The following CACNG5 variants were observed in gnomAD, a reference collection of about 807,000 sequenced individuals.
CACNG5 encodes voltage-dependent calcium channel gamma-5 subunit.
Under a neutral mutation model 24.8 loss-of-function variants are expected in CACNG5, and 18 were observed. The ratio of observed to expected loss-of-function variants is 0.73; its 90% CI spans 0.50 to 1.08. CACNG5 has a LOEUF of 1.08. Among genes scored for constraint, CACNG5 ranks in the 50% least tolerant of loss-of-function variants. The probability of loss-of-function intolerance (pLI) is 0.00; values close to 1 mark genes in which losing one functional copy is unlikely to be tolerated. For missense variants in CACNG5, 349 were observed against 367.9 expected (o/e 0.95, Z 0.42); for synonymous variants, 157 against 149.1 (o/e 1.05, Z -0.39).
Position 66,851,703 on chromosome 17 carries a change from AAGAG to A in CACNG5, c.-104+16459_-104+16462del, listed in dbSNP as rs1411839016. Among the ~76,000 whole-genome samples the A allele has an allele frequency of 2.0e-5, 3 of 152,220 alleles. 1 individual carries two copies. The highest frequency in any genetic ancestry group is 2.0e-4 in the Admixed American group (3 of 15,280). On this transcript the variant is annotated intron_variant, in intron 1 of 5. Coordinates refer to ENST00000533854, the MANE Select transcript of CACNG5 (RefSeq NM_145811.3). ...ACTGAGGAAATACCGGAAAGGGAAA[AAGAG>A]AGAGAAAACACAAACAATATTGGGA...
At chr17:66,865,232 C>T (rs1400718584) in intron 1 of CACNG5, among the ~76,000 whole-genome samples, 1 of 150,744 alleles carries the variant, frequency 6.6e-6, no homozygotes, top group Non-Finnish European at 1.5e-5. Context: ...TATTTTTGTG[C>T]ACAGCCATTT....
intron 1 of CACNG5, among the ~76,000 whole-genome samples, chr17:66,860,129 C>A (rs1976833470): frequency 6.6e-6 from 1 of 152,248 alleles, no homozygotes; most frequent in Middle Eastern, 3.4e-3. Flanking sequence ...TCCAAGCTTA[C>A]CTATGCAACC....
rs1333967319 is a variant in CACNG5, at chr17:66,887,634, A to AGTT, written c.*2394_*2395insGTT. On this transcript the variant is annotated 3_prime_UTR_variant, in exon 6 of 6. Transcript: ENST00000533854. ...AATTGCACTTTTCTCTCTCTAGAAC[A>AGTT]CTCTTTCTCTGTCACTGTGCCAGGC... Among the ~76,000 whole-genome samples, 1 of 151,836 alleles carries AGTT rather than the reference A, an allele frequency of 6.6e-6. No homozygotes were observed. Among genetic ancestry groups the AGTT allele is most frequent in the Non-Finnish European group, 1.5e-5 (1 of 67,968 alleles).
At chr17:66,848,393 A>G (rs6504464) in intron 1 of CACNG5, among the ~76,000 whole-genome samples, 116,751 of 152,120 alleles carry the variant, frequency 0.77, 45,142 homozygotes, top group South Asian at 0.87. Context: ...CACCCCATCA[A>G]ATGGGGGCTG....
At chr17:66,884,701 G>A (rs754175463) in intron 5 of CACNG5, 40 bp downstream of exon 5, 1 of 1,614,174 alleles carries the variant, frequency 6.2e-7, no homozygotes, top group Non-Finnish European at 8.5e-7. Context: ...GCTGGGCCTG[G>A]GCACTGCCCC....
chr17:66,840,307 G>A (rs2144495911), intron 1 of CACNG5, among the ~76,000 whole-genome samples: 1 of 152,330 alleles, frequency 6.6e-6, no homozygotes, highest in African/African-American at 2.4e-5. Context: ...CAATATCCCA[G>A]GAGGTCAGGG....
rs1209173833 is a variant in CACNG5 at position 66,885,235 on chromosome 17, T to TG, written c.824dup (p.Cys275TrpfsTer24). On this transcript the variant is annotated frameshift_variant, in exon 6 of 6. Transcript: ENST00000533854. LOFTEE classifies it high-confidence loss of function. The stretch of plus-strand genomic sequence containing the variant: ...CTATGATCAGATGTCCTCTTCACCC[T>TG]GCTGAGCCTCGGCCGCCCCCATCCC... The TG allele has an allele frequency of 1.3e-6, 2 of 1,580,808 alleles. No individual in the cohort carries two copies. Among genetic ancestry groups the TG allele is most frequent in the Admixed American group, 3.4e-5 (2 of 58,678 alleles).
At chr17:66,862,932 GTGTGTGTC>G (rs1976885283) in intron 1 of CACNG5, among the ~76,000 whole-genome samples, 1 of 139,530 alleles carries the variant, frequency 7.2e-6, no homozygotes, top group South Asian at 2.3e-4. Context: ...GTGTGTGTGT[GTGTGTGTC>G]TCAGTCTCAG....
At chr17:66,840,590 G>T (rs539441987) in intron 1 of CACNG5, among the ~76,000 whole-genome samples, 1 of 152,266 alleles carries the variant, frequency 6.6e-6, no homozygotes, top group Non-Finnish European at 1.5e-5. Context: ...TCACATTATT[G>T]CAGAGGCACA....
chr17:66,891,810 C>T lies in CACNG5; in HGVS notation c.*6570C>T, dbSNP rs1381015909. The stretch of plus-strand genomic sequence containing the variant: ...CTTTGAGAAACACGATCTGCTGTAC[C>T]ATGACTGGCTTTGACTAGTAAGTTA... On this transcript the variant is annotated 3_prime_UTR_variant, in exon 6 of 6. Transcript: ENST00000533854. Among the ~76,000 whole-genome samples the T allele has an allele frequency of 6.6e-6, 1 of 152,194 alleles. No individual in the cohort carries two copies. Among genetic ancestry groups the T allele is most frequent in the Admixed American group, 6.5e-5 (1 of 15,284 alleles).
chr17:66,872,037 T>C (rs1053487494), intron 1 of CACNG5, among the ~76,000 whole-genome samples: 4 of 152,208 alleles, frequency 2.6e-5, no homozygotes, highest in Admixed American at 2.0e-4. Flanking sequence ...TTAATTTAGT[T>C]TTCTTCTCTG....
At chr17:66,868,750 A>G (rs1976963405) in intron 1 of CACNG5, among the ~76,000 whole-genome samples, 2 of 152,184 alleles carry the variant, frequency 1.3e-5, no homozygotes, top group Non-Finnish European at 2.9e-5. Flanking sequence ...GTTTGCTAAC[A>G]TCATATTTAT....
intron 5 of CACNG5, 85 bp from the exon 6 acceptor site, chr17:66,884,898 G>C: frequency 6.2e-7 from 1 of 1,613,606 alleles, no homozygotes; most frequent in South Asian, 1.1e-5. Flanking sequence ...CACCCCACTC[G>C]AGCTGTGTCC....
At chr17:66,884,873 C>G in intron 5 of CACNG5, 110 bp from the exon 6 acceptor site, 1 of 1,613,472 alleles carries the variant, frequency 6.2e-7, no homozygotes, top group African/African-American at 1.3e-5. Context: ...TGCTCCTGTC[C>G]CCACGTCCAC....
chr17:66,893,862 G>A lies in CACNG5; in HGVS notation c.*8622G>A, dbSNP rs1174281284. ...TGTGTGGGGTGCAAAGAAAAAAAAAGTGAAGTGAGAATAAATTTTACTTAG... is the reference window on the plus strand; with the variant it reads ...TGTGTGGGGTGCAAAGAAAAAAAAAATGAAGTGAGAATAAATTTTACTTAG... On this transcript the variant is annotated 3_prime_UTR_variant, in exon 6 of 6. Transcript: ENST00000533854. Among the ~76,000 whole-genome samples, 2 of 152,158 alleles carry A rather than the reference G, an allele frequency of 1.3e-5. No individual in the cohort carries two copies. Among genetic ancestry groups the A allele is most frequent in the Non-Finnish European group, 2.9e-5 (2 of 68,024 alleles).
At chr17:66,843,478 G>A (rs186263140) in intron 1 of CACNG5, among the ~76,000 whole-genome samples, 42 of 152,284 alleles carry the variant, frequency 2.8e-4, no homozygotes, top group East Asian at 2.3e-3. Flanking sequence ...ACCTATCTCC[G>A]TAATCCCAGA....
chr17:66,846,064 T>TGGCCCAATCTGTGCCAAGCACTTCAC, intron 1 of CACNG5, among the ~76,000 whole-genome samples: 1 of 152,238 alleles, frequency 6.6e-6, no homozygotes, highest in Non-Finnish European at 1.5e-5. Context: ...CGTTACTTCA[T>TGGCCCAATCTGTGCCAAGCACTTCAC]GGCCCACTCT....
rs1347490723 is a variant in CACNG5 at position 66,882,964 on chromosome 17, CATCCATCCATCA to C, written c.425-1540_425-1529del. Reference sequence around the variant, plus strand: ...CCATCCATCCATCCATCCATCCATCCATCCATCCATCAATCCATCCATCCACACACCTACCCA... The same window carrying C: ...CCATCCATCCATCCATCCATCCATCCATCCATCCATCCACACACCTACCCA... On this transcript the variant is annotated intron_variant, in intron 4 of 5. Transcript: ENST00000533854. Among the ~76,000 whole-genome samples the C allele has an allele frequency of 1.5e-3, 221 of 146,880 alleles. 3 individuals carry two copies. Among genetic ancestry groups the C allele is most frequent in the Admixed American group, 2.3e-3 (34 of 15,076 alleles).
At chr17:66,854,839 A>G (rs969745508) in intron 1 of CACNG5, among the ~76,000 whole-genome samples, 1 of 152,194 alleles carries the variant, frequency 6.6e-6, no homozygotes, top group Non-Finnish European at 1.5e-5. Flanking sequence ...CAATAGAAAA[A>G]AAAATGGGAA....
Sources: allele counts gnomAD v4.1 joint callset (sites outside exome capture counted in the v4.1 genomes callset), GRCh38; gene constraint gnomAD v4.1.1; transcripts MANE v1.5; gene names NCBI Gene and HGNC (gene_info 2026-07-23, HGNC 2026-07-21).